Variants in TLN2 observed in about 807,000 individuals in gnomAD.
TLN2 encodes the protein talin 2.
Under a neutral mutation model 294.7 loss-of-function variants are expected in TLN2, and 118 were observed. That is an observed-to-expected ratio of 0.40 (90% CI 0.34 to 0.47). The LOEUF (loss-of-function observed/expected upper bound fraction) is 0.47. TLN2 is among the 20% of genes least tolerant of loss of function. TLN2 has a pLI of 0.84. For missense variants in TLN2, 3,083 were observed against 3,282.2 expected (o/e 0.94, Z 1.48); for synonymous variants, 1,431 against 1,304.5 (o/e 1.10, Z -2.09).
In TLN2 at chr15:62,739,337, G is replaced by A. The variant is rs777693169; in HGVS notation, c.3688-11G>A. The A allele has an allele frequency of 1.2e-6, 2 of 1,610,888 alleles. No individual in the cohort carries two copies. Among genetic ancestry groups the A allele is most frequent in the East Asian group, 2.2e-5 (1 of 44,840 alleles). ...GAATGTCTCATGGGGTGTGCCGTCT[G>A]TTCCCCACAGCTACCTCCAAGCACG... On this transcript the variant is annotated splice_polypyrimidine_tract_variant and intron_variant, in intron 30 of 58. Transcript: ENST00000636159.
At chr15:62,557,856 A>G (rs2042696287) in intron 1 of TLN2, among the ~76,000 whole-genome samples, 1 of 152,180 alleles carries the variant, frequency 6.6e-6, no homozygotes, top group African/African-American at 2.4e-5. Context: ...CACTTTTATT[A>G]GGTAAACTTC....
chr15:62,406,507 A>G (rs1015705415), intron 1 of TLN2, among the ~76,000 whole-genome samples: 4 of 152,246 alleles, frequency 2.6e-5, no homozygotes, highest in African/African-American at 9.6e-5. Context: ...CAGTGTGCTG[A>G]CAGTAGCAGC....
chr15:62,787,702 T>TA (rs2064786303), intron 45 of TLN2, among the ~76,000 whole-genome samples: 1 of 144,462 alleles, frequency 6.9e-6, no homozygotes, highest in African/African-American at 2.6e-5. Context: ...TCTTTTTTTT[T>TA]TTTTTTTTTT....
chr15:62,707,288 G>A (rs200380592), intron 20 of TLN2, 35 bp downstream of exon 20: 31 of 1,567,290 alleles, frequency 2.0e-5, no homozygotes, highest in Non-Finnish European at 2.7e-5. Context: ...TTTCTACCCA[G>A]TATCACCTGC....
intron 1 of TLN2, among the ~76,000 whole-genome samples, chr15:62,394,294 C>G (rs1384281871): frequency 6.6e-6 from 1 of 152,056 alleles, no homozygotes; most frequent in Non-Finnish European, 1.5e-5. Flanking sequence ...CATTATTGCT[C>G]CAGAACTTTT....
intron 1 of TLN2, among the ~76,000 whole-genome samples, chr15:62,560,295 C>T (rs534238350): frequency 5.6e-4 from 86 of 152,256 alleles, no homozygotes; most frequent in Admixed American, 4.7e-3. Context: ...GGCTGGAGTG[C>T]GGTGGCGGTA....
intron 11 of TLN2, among the ~76,000 whole-genome samples, chr15:62,683,521 CT>C (rs2057031015): frequency 1.7e-4 from 23 of 136,812 alleles, no homozygotes; most frequent in Non-Finnish European, 3.1e-4. Context: ...GGTAGAATGC[CT>C]GCATTCTCCC....
intron 3 of TLN2, among the ~76,000 whole-genome samples, chr15:62,629,608 G>A (rs1297972127): frequency 1.3e-5 from 2 of 152,282 alleles, no homozygotes; most frequent in East Asian, 3.9e-4. Flanking sequence ...AGGTAGGGCC[G>A]TATAAGGCTA....
At chr15:62,797,540 C>T (rs2065586946) in intron 48 of TLN2, 138 bp downstream of exon 48, 8 of 1,048,290 alleles carry the variant, frequency 7.6e-6, no homozygotes, top group African/African-American at 3.2e-5. Flanking sequence ...TTTGAGGAAC[C>T]GGTAGGAGGC....
rs1027467874 is a variant in TLN2, at chr15:62,455,213, C to T, written c.-238+64528C>T. The stretch of plus-strand genomic sequence containing the variant: ...CAGAGGCAGTGAGTCCCCGACTCTT[C>T]CTGCAGGAGTGTGTAGGTCAGCAAT... On this transcript the variant is annotated intron_variant, in intron 1 of 58. Transcript: ENST00000636159. Among the ~76,000 whole-genome samples, 6 of 152,118 alleles carry T rather than the reference C, an allele frequency of 3.9e-5. 1 individual carries two copies. The South Asian group carries it at 1.2e-3, about 32-fold the overall frequency.
intron 1 of TLN2, among the ~76,000 whole-genome samples, chr15:62,407,276 A>G (rs541062740): frequency 2.0e-5 from 3 of 152,290 alleles, no homozygotes; most frequent in Admixed American, 1.3e-4. Flanking sequence ...CAAGGCTTGT[A>G]TACTAAATAG....
chr15:62,702,688 A>C, intron 18 of TLN2, 78 bp from the exon 19 acceptor site: 1 of 1,413,840 alleles, frequency 7.1e-7, no homozygotes, highest in Non-Finnish European at 1.0e-6. Flanking sequence ...GTGAGATTCT[A>C]CTTCCTGTAC....
At chr15:62,401,426 A>G (rs1306901207) in intron 1 of TLN2, among the ~76,000 whole-genome samples, 2 of 152,194 alleles carry the variant, frequency 1.3e-5, no homozygotes, top group South Asian at 2.1e-4. Context: ...TGGTAGTGAT[A>G]GTGGAGTGCA....
At chr15:62,824,632 C>T (rs751110080) in intron 54 of TLN2, among the ~76,000 whole-genome samples, 8 of 152,150 alleles carry the variant, frequency 5.3e-5, no homozygotes, top group Non-Finnish European at 1.0e-4. Context: ...TCTTGAATTT[C>T]CTGTTATAGG....
intron 37 of TLN2, 115 bp from the exon 38 acceptor site, chr15:62,761,566 A>G: frequency 7.0e-7 from 1 of 1,432,976 alleles, no homozygotes; most frequent in Non-Finnish European, 9.6e-7. Flanking sequence ...TGAAGTCACC[A>G]GAGATTTTCA....
chr15:62,487,303 G>A (rs1291150892), intron 1 of TLN2, among the ~76,000 whole-genome samples: 1 of 152,218 alleles, frequency 6.6e-6, no homozygotes, highest in African/African-American at 2.4e-5. Context: ...CACCGATTAT[G>A]AGATTCCTTG....
rs142151319 is a variant in TLN2, at chr15:62,670,522, T to C, written c.789-3305T>C. On this transcript the variant is annotated intron_variant, in intron 9 of 58. Transcript: ENST00000636159. ...AAACTGCTGCAGATTAGATATTTCT[T>C]AGATCCCTCCTTCTGATGAACTTGG... is the stretch of plus-strand genomic sequence containing the variant. Among the ~76,000 whole-genome samples, 6 of 152,368 alleles carry C rather than the reference T, an allele frequency of 3.9e-5. No individual in the cohort carries two copies. In the East Asian group the frequency reaches 1.2e-3, roughly 29 times the overall value.
In TLN2 at chr15:62,650,153, C is replaced by G; in HGVS notation, c.206C>G (p.Thr69Arg). ...GGGATTTGGCTGGAAGCGGGCAGAA[C>G]ACTGGATTACTACATGTTGCGGAAT... ...RKGIWLEAGR[T>R]LDYYMLRNGD... Residue 69 changes from threonine (T) to arginine (R), a missense_variant, in exon 5 of 59, where the codon ACA becomes AGA. Coordinates refer to ENST00000636159, the MANE Select transcript of TLN2 (RefSeq NM_015059.3). The G allele has an allele frequency of 6.2e-7, 1 of 1,614,196 alleles. No homozygotes were observed.
At chr15:62,740,576 C>T (rs2061271498) in intron 31 of TLN2, 54 bp from the exon 32 acceptor site, 4 of 1,607,224 alleles carry the variant, frequency 2.5e-6, no homozygotes, top group African/African-American at 1.3e-5. Context: ...CTCTGAATGC[C>T]TCCTTCAAGA....
Sources: allele counts gnomAD v4.1 joint callset (sites outside exome capture counted in the v4.1 genomes callset), GRCh38; gene constraint gnomAD v4.1.1; transcripts MANE v1.5; gene names NCBI Gene and HGNC (gene_info 2026-07-23, HGNC 2026-07-21).